Variants in TFAP4 observed in about 807,000 individuals in gnomAD.
The protein encoded by TFAP4 is transcription factor AP-4, also known as activating enhancer-binding protein 4.
A neutral mutation model predicts 40.4 loss-of-function variants in TFAP4; 7 were observed. The observed-to-expected ratio is 0.17, with a 90% CI of 0.10 to 0.33. The LOEUF (loss-of-function observed/expected upper bound fraction) is 0.33. TFAP4 is among the 10% of genes least tolerant of loss of function. The probability of loss-of-function intolerance (pLI) is 1.00; values close to 1 mark genes in which losing one functional copy is unlikely to be tolerated. For missense variants in TFAP4, 374 were observed against 451.1 expected (o/e 0.83, Z 1.55); for synonymous variants, 218 against 181.4 (o/e 1.20, Z -1.62).
At chr16:4,262,766 C>G (rs996292895) in intron 1 of TFAP4, 65 bp from the exon 2 acceptor site, 56 of 1,551,980 alleles carry the variant, frequency 3.6e-5, no homozygotes, top group Non-Finnish European at 4.6e-5. Flanking sequence ...TCCAGAGGGC[C>G]CCAGTGGAAA....
rs922200012 is a variant in TFAP4 at position 4,258,171 on chromosome 16, C to A, written c.901G>T (p.Val301Phe). Residue 301 changes from valine to phenylalanine, a missense_variant, in exon 7 of 7, where the codon GTC (valine) becomes TTC (phenylalanine). Coordinates refer to ENST00000204517, the MANE Select transcript of TFAP4 (RefSeq NM_003223.3). Reference protein sequence around the residue: ...EQRRAVIVKPVRSCPEAPTSD... With the variant: ...EQRRAVIVKPFRSCPEAPTSD... ...GTGGGGGCCTCCGGGCAGCTGCGGACAGGCTTCACGATGACAGCTCGCCGC... is the reference window on the plus strand; with the variant it reads ...GTGGGGGCCTCCGGGCAGCTGCGGAAAGGCTTCACGATGACAGCTCGCCGC... 1.9e-5 allele frequency: 30 copies of A among 1,613,816 alleles called. No homozygotes were observed. Among genetic ancestry groups the A allele is most frequent in the Non-Finnish European group, 2.5e-5 (29 of 1,179,946 alleles).
chr16:4,259,720 A>G (rs927251461), intron 6 of TFAP4, among the ~76,000 whole-genome samples: 1 of 152,120 alleles, frequency 6.6e-6, no homozygotes, highest in African/African-American at 2.4e-5. Context: ...TGCCACCTGT[A>G]TCTCCATCCA....
intron 1 of TFAP4, among the ~76,000 whole-genome samples, chr16:4,268,750 A>G (rs1465815595): frequency 2.0e-5 from 3 of 151,226 alleles, no homozygotes; most frequent in Admixed American, 6.6e-5. Flanking sequence ...CACCATTCAC[A>G]CCCGGCTAGT....
In TFAP4 at chr16:4,257,243, G is replaced by GT. The variant is rs1164295310; in HGVS notation, c.*811dup. 4 of 146,500 alleles carry GT rather than the reference G, an allele frequency of 2.7e-5. No homozygotes were observed. The highest frequency in any genetic ancestry group is 2.0e-4 in the East Asian group (1 of 4,964). 9.1% of individuals were successfully genotyped at this position (146,500 alleles called of 1,614,324 possible). ...TTTACAAAGGCACGGTGGCCTCTTG[G>GT]TTTTTTTCTCCCCACTTTCTTAACA... On this transcript the variant is annotated 3_prime_UTR_variant, in exon 7 of 7. Transcript: ENST00000204517.
intron 6 of TFAP4, among the ~76,000 whole-genome samples, chr16:4,259,857 A>G (rs1270951456): frequency 6.6e-6 from 1 of 152,218 alleles, no homozygotes; most frequent in Non-Finnish European, 1.5e-5. Flanking sequence ...GGGAAGGGAC[A>G]GTCTTCCTGG....
chr16:4,272,465 C>T (rs1281877711), intron 1 of TFAP4, among the ~76,000 whole-genome samples, 193 bp downstream of exon 1: 1 of 151,968 alleles, frequency 6.6e-6, no homozygotes, highest in East Asian at 2.0e-4. Flanking sequence ...CCGCTTGGGG[C>T]CCCCATGCTC....
Position 4,258,048 on chromosome 16 carries a change from G to A in TFAP4, c.*7C>T. On this transcript the variant is annotated 3_prime_UTR_variant, in exon 7 of 7. Transcript: ENST00000204517. ...CCCCAGAAGGGAGAGGAGGGCTGGGGGGGTAGTCAGGGAAGCTCCCCGTCC... is the reference window on the plus strand; with the variant it reads ...CCCCAGAAGGGAGAGGAGGGCTGGGAGGGTAGTCAGGGAAGCTCCCCGTCC... 1.2e-6 allele frequency: 2 copies of A among 1,608,682 alleles called. No individual in the cohort carries two copies. The highest frequency in any genetic ancestry group is 1.7e-6 in the Non-Finnish European group (2 of 1,178,920).
At chr16:4,270,171 C>T (rs567382726) in intron 1 of TFAP4, among the ~76,000 whole-genome samples, 2 of 151,242 alleles carry the variant, frequency 1.3e-5, no homozygotes, top group African/African-American at 2.4e-5. Context: ...AGTGAGACTC[C>T]GTCTCAAAAA....
intron 4 of TFAP4, among the ~76,000 whole-genome samples, 156 bp from the exon 5 acceptor site, chr16:4,260,751 G>A (rs768589377): frequency 1.3e-5 from 2 of 151,800 alleles, no homozygotes; most frequent in Admixed American, 6.6e-5. Flanking sequence ...TTCAGCCCCC[G>A]GCTCCTCTCG....
In TFAP4 at chr16:4,261,745, C is replaced by T. The variant is rs377027852; in HGVS notation, c.525+34G>A. The T allele has an allele frequency of 2.6e-6, 4 of 1,560,142 alleles. No homozygotes were observed. In the African/African-American group the frequency reaches 4.1e-5, roughly 16 times the overall value. On this transcript the variant is annotated intron_variant, in intron 4 of 6. Coordinates refer to ENST00000204517, the MANE Select transcript of TFAP4 (RefSeq NM_003223.3). ...ACCCCAGGCTCCACGCCCTCTGCAC[C>T]GCGCGCCGTGCCCAGCAGAGGGCGC... is the stretch of plus-strand genomic sequence containing the variant.
chr16:4,272,351 A>G (rs1167448003), intron 1 of TFAP4, among the ~76,000 whole-genome samples: 4 of 152,144 alleles, frequency 2.6e-5, no homozygotes, highest in East Asian at 3.9e-4. Context: ...GGGGAAGGCC[A>G]CCAGCACCAA....
intron 1 of TFAP4, among the ~76,000 whole-genome samples, chr16:4,270,774 A>C (rs373483713): frequency 1.3e-5 from 2 of 152,290 alleles, no homozygotes; most frequent in East Asian, 3.9e-4. Context: ...AGGGCCCCCC[A>C]ACCCTGCCCA....
intron 1 of TFAP4, among the ~76,000 whole-genome samples, chr16:4,270,815 G>A (rs1457120653): frequency 6.6e-6 from 1 of 152,198 alleles, no homozygotes; most frequent in Non-Finnish European, 1.5e-5. Context: ...TCTCCAGTAG[G>A]CACAGCGGCT....
chr16:4,258,272 G>A (rs773419768), intron 6 of TFAP4, 23 bp from the exon 7 acceptor site: 18 of 1,546,838 alleles, frequency 1.2e-5, no homozygotes, highest in Non-Finnish European at 1.5e-5. Context: ...GAACCACTGA[G>A]AAGGCTCGGC....
At chr16:4,262,270 G>A in intron 3 of TFAP4, 54 bp downstream of exon 3, 1 of 1,576,286 alleles carries the variant, frequency 6.3e-7, no homozygotes, top group South Asian at 1.1e-5. Flanking sequence ...GCCCATGGCT[G>A]GGTCCAAGGC....
chr16:4,258,498 G>C (rs1307791147), intron 6 of TFAP4: 2 of 375,994 alleles, frequency 5.3e-6, no homozygotes, highest in Non-Finnish European at 4.8e-6. Flanking sequence ...ACTGCAGTCA[G>C]ACTCCTGGGC....
chr16:4,268,551 C>T (rs2053016045), intron 1 of TFAP4, among the ~76,000 whole-genome samples: 1 of 152,052 alleles, frequency 6.6e-6, no homozygotes, highest in Admixed American at 6.6e-5. Context: ...TGAACTCCTT[C>T]TTATGGGAGC....
Position 4,261,825 on chromosome 16 carries a change from T to G in TFAP4, c.479A>C (p.Gln160Pro), listed in dbSNP as rs2052951757. ...CACCGAGCGCTCCTTGTCCAGCTGCTGCCGCAGCTCAATCATCTCCCGCCG... is the reference window on the plus strand; with the variant it reads ...CACCGAGCGCTCCTTGTCCAGCTGCGGCCGCAGCTCAATCATCTCCCGCCG... ...DLRREMIELR[Q>P]QLDKERSVRM... The change falls in exon 4 of 7, where the codon CAG (glutamine) becomes CCG (proline). Residue 160 changes from glutamine to proline, a missense_variant. Transcript: ENST00000204517. The G allele has an allele frequency of 6.2e-7, 1 of 1,612,834 alleles. No homozygotes were observed.
intron 1 of TFAP4, among the ~76,000 whole-genome samples, chr16:4,270,856 C>T (rs989305631): frequency 3.9e-5 from 6 of 152,222 alleles, no homozygotes; most frequent in African/African-American, 9.6e-5. Context: ...CCAGCCCAGC[C>T]CTGCAGCAGC....
Sources: gnomAD v4.1 joint callset for allele counts (sites outside exome capture counted in the v4.1 genomes callset) on GRCh38, gnomAD v4.1.1 for gene constraint, MANE v1.5 for transcripts, NCBI Gene and HGNC (gene_info 2026-07-23, HGNC 2026-07-21) for gene names.